The following GPHN variants were observed in gnomAD, a reference collection of about 807,000 sequenced individuals.
The protein encoded by GPHN is gephyrin.
Under a neutral mutation model 95.5 loss-of-function variants are expected in GPHN, and 17 were observed. The observed-to-expected ratio is 0.18, with a 90% CI of 0.12 to 0.27. The LOEUF (loss-of-function observed/expected upper bound fraction) is 0.27. Ranked by LOEUF, GPHN falls within the 10% of genes least tolerant of loss-of-function variation. The pLI is 1.00. For synonymous variants in GPHN, 320 were observed against 322.5 expected (o/e 0.99, Z 0.08); for missense variants, 660 against 978.1 (o/e 0.67, Z 4.34).
intron 8 of GPHN, among the ~76,000 whole-genome samples, chr14:66,940,176 A>T (rs1363349887): frequency 6.6e-6 from 1 of 151,982 alleles, no homozygotes; most frequent in African/African-American, 2.4e-5. Context: ...GGAGTGTCCC[A>T]TAGTATGGAG....
chr14:67,729,798 A>G, the GPHN span: 8 of 496,198 alleles, frequency 1.6e-5, no homozygotes, highest in Admixed American at 6.3e-5. Flanking sequence ...CTGTCCCTCA[A>G]TGCTGCCAAG....
At chr14:67,644,178 A>C in the GPHN span, among the ~76,000 whole-genome samples, 2 of 152,234 alleles carry the variant, frequency 1.3e-5, no homozygotes, top group Non-Finnish European at 1.5e-5. Flanking sequence ...AGAGAGGAAG[A>C]GATAAGTGCA....
chr14:66,795,642 T>C lies in GPHN; in HGVS notation c.201+19121T>C, dbSNP rs144059499. Among the ~76,000 whole-genome samples, 58 of 152,282 alleles carry C rather than the reference T, an allele frequency of 3.8e-4. No individual in the cohort carries two copies. The East Asian group carries it at 0.011, about 28-fold the overall frequency. On this transcript the variant is annotated intron_variant, in intron 3 of 22. Transcript: ENST00000478722. ...ATCCATCCATTATAGTTTCTACTAA[T>C]AATAATCACTTTTACCATTTCTAAT...
the GPHN span, chr14:67,562,434 C>T: frequency 6.2e-7 from 1 of 1,613,886 alleles, no homozygotes; most frequent in Non-Finnish European, 8.5e-7. Flanking sequence ...CCCCACCAGC[C>T]ATGCATGAAG....
the GPHN span, among the ~76,000 whole-genome samples, chr14:67,488,980 C>G: frequency 6.6e-6 from 1 of 152,192 alleles, no homozygotes; most frequent in Non-Finnish European, 1.5e-5. Context: ...TAAGCTGTCC[C>G]TAGGCCTCAC....
the GPHN span, among the ~76,000 whole-genome samples, chr14:67,235,957 TTTAAA>T: frequency 1.3e-5 from 2 of 152,082 alleles, no homozygotes; most frequent in South Asian, 2.1e-4. Flanking sequence ...TTTTAAAATT[TTTAAA>T]TTAAATTGAT....
the GPHN span, chr14:67,382,755 G>C: frequency 1.7e-5 from 12 of 702,978 alleles, no homozygotes; most frequent in African/African-American, 1.3e-4. Context: ...CAGCCAGGGG[G>C]AAGGGAATAA....
At chr14:67,473,681 C>A in the GPHN span, 3 of 1,584,056 alleles carry the variant, frequency 1.9e-6, no homozygotes, top group Non-Finnish European at 2.6e-6. The surrounding 1 kb of genome is among the most constrained non-coding windows in gnomAD (Gnocchi z 6.5). Context: ...AGGTCCAGAG[C>A]GTGTAGATGA....
At chr14:67,167,836 G>T (rs1239926442) in intron 20 of GPHN, among the ~76,000 whole-genome samples, 6 of 152,150 alleles carry the variant, frequency 3.9e-5, no homozygotes, top group Non-Finnish European at 8.8e-5. Context: ...TTTGGAACTT[G>T]CCAAGATCAG....
At chr14:66,960,342 T>C (rs985510767) in intron 8 of GPHN, among the ~76,000 whole-genome samples, 1 of 151,968 alleles carries the variant, frequency 6.6e-6, no homozygotes, top group African/African-American at 2.4e-5. Context: ...TTCATAATTT[T>C]TTGTTGAAAA....
At chr14:67,127,414 A>T (rs937282577) in intron 17 of GPHN, among the ~76,000 whole-genome samples, 1 of 152,220 alleles carries the variant, frequency 6.6e-6, no homozygotes, top group African/African-American at 2.4e-5. Flanking sequence ...ATTGACCTAG[A>T]TTTATCATAT....
the GPHN span, among the ~76,000 whole-genome samples, chr14:67,622,454 C>T: frequency 5.3e-5 from 8 of 152,158 alleles, no homozygotes; most frequent in African/African-American, 1.4e-4. Flanking sequence ...AATATTCGAA[C>T]CTTGTTTATT....
chr14:66,629,258 TTCTTA>T (rs1308076034), intron 1 of GPHN, among the ~76,000 whole-genome samples: 2 of 148,146 alleles, frequency 1.4e-5, no homozygotes, highest in South Asian at 2.1e-4. Context: ...ACGTGTGTGT[TTCTTA>T]TCTTCAGTCT....
chr14:66,567,851 T>C (rs2060523295), intron 1 of GPHN, among the ~76,000 whole-genome samples: 1 of 152,198 alleles, frequency 6.6e-6, no homozygotes, highest in Non-Finnish European at 1.5e-5. Flanking sequence ...GGTATACTTA[T>C]GTACCAAGTG....
chr14:66,517,207 C>T (rs190432483), intron 1 of GPHN, among the ~76,000 whole-genome samples: 1 of 141,230 alleles, frequency 7.1e-6, no homozygotes, highest in South Asian at 2.3e-4. Context: ...GATGAAGGAA[C>T]ATTTACACGG....
At chr14:67,214,678 A>G in the GPHN span, among the ~76,000 whole-genome samples, 3 of 151,928 alleles carry the variant, frequency 2.0e-5, no homozygotes. Context: ...TGAACTTTAA[A>G]GTAGTTTTTT....
chr14:66,590,337 C>T (rs562105641), intron 1 of GPHN, among the ~76,000 whole-genome samples: 6 of 150,100 alleles, frequency 4.0e-5, no homozygotes, highest in South Asian at 2.1e-4. Flanking sequence ...GCTAGAGACA[C>T]AAAAATCCCT....
the GPHN span, among the ~76,000 whole-genome samples, chr14:67,596,619 G>A: frequency 2.6e-5 from 4 of 152,112 alleles, no homozygotes; most frequent in Non-Finnish European, 4.4e-5. Flanking sequence ...TCTAGGCCCT[G>A]ACCTTGACAT....
chr14:67,025,144 T>C (rs1043426817), intron 10 of GPHN, among the ~76,000 whole-genome samples: 1 of 152,180 alleles, frequency 6.6e-6, no homozygotes, highest in Admixed American at 6.5e-5. Context: ...TTATTTTGTG[T>C]CCTAGGAGTA....
Sources: gnomAD v4.1 joint callset for allele counts (sites outside exome capture counted in the v4.1 genomes callset) on GRCh38, gnomAD v4.1.1 for gene constraint, Gnocchi (gnomAD v3.1) non-coding constraint, MANE v1.5 for transcripts, NCBI Gene and HGNC (gene_info 2026-07-23, HGNC 2026-07-21) for gene names.